NCSTN: variants seen among roughly 807,000 people sequenced by gnomAD.
NCSTN encodes the protein anterior pharynx-defective 2.
NCSTN carries 22 observed loss-of-function variants against 87.0 expected under a neutral mutation model. The ratio of observed to expected loss-of-function variants is 0.25; its 90% confidence interval spans 0.18 to 0.36. The LOEUF is 0.36. Among genes scored for constraint, NCSTN ranks in the 10% least tolerant of loss-of-function variants. The pLI is 1.00. For missense variants in NCSTN, 693 were observed against 883.3 expected (o/e 0.78, Z 2.73); for synonymous variants, 306 against 327.1 (o/e 0.94, Z 0.69).
chr1:160,351,965 C>A, intron 7 of NCSTN, 89 bp from the exon 8 acceptor site: 1 of 1,546,352 alleles, frequency 6.5e-7, no homozygotes, highest in Non-Finnish European at 8.9e-7. Context: ...TGCCACAGGA[C>A]AGGTATATTC....
intron 13 of NCSTN, 37 bp downstream of exon 13, chr1:160,355,995 C>T (rs201386837): frequency 2.6e-6 from 4 of 1,546,088 alleles, no homozygotes; most frequent in East Asian, 2.2e-5. Context: ...TTTCTATTTA[C>T]ACAGCAAGCT....
rs373915943 is a variant in NCSTN, at chr1:160,351,687, C to T, written c.734-9C>T. The T allele has an allele frequency of 6.4e-7, 1 of 1,574,502 alleles. No individual in the cohort carries two copies. The highest frequency in any genetic ancestry group is 2.2e-5 in the East Asian group (1 of 44,710). Reference sequence around the variant, plus strand: ...CTTGTTGATCTCTCATTGTTTGTGTCCTGCTTAGAAATCGTCTGTGACCCC... The same window carrying T: ...CTTGTTGATCTCTCATTGTTTGTGTTCTGCTTAGAAATCGTCTGTGACCCC... On this transcript the variant is annotated splice_polypyrimidine_tract_variant and intron_variant, in intron 6 of 16. Transcript: ENST00000294785.
chr1:160,343,401 C>T lies in NCSTN; in HGVS notation c.5C>T (p.Ala2Val). 6.2e-7 allele frequency: 1 copy of T among 1,613,120 alleles called. No homozygotes were observed. The highest frequency in any genetic ancestry group is 1.1e-5 in the South Asian group (1 of 90,816). M[A>V]TAGGGSGADP... ...TCCGCTCAGCAGAGAGGCAAGATGG[C>T]TACGGCAGGGGGTGGCTCTGGGGCT... The change falls in exon 1 of 17, where the codon GCT (alanine) becomes GTT (valine). Residue 2 changes from alanine to valine, a missense_variant. Ala to Val is a moderately conservative substitution (Grantham distance 64, BLOSUM62 0). Around this residue, in one of 4 missense-constraint regions of NCSTN, gnomAD observed 235 missense variants for 233.9 expected, o/e 1.00. Transcript: ENST00000294785.
In NCSTN at chr1:160,357,024, G is replaced by C. The variant is rs981362256; in HGVS notation, c.1795-17G>C. The stretch of plus-strand genomic sequence containing the variant: ...AGGATCACCCTAGCCGTGTGTTGTG[G>C]CGCATCTTCTGTGCAGCTGTATGAG... On this transcript the variant is annotated splice_polypyrimidine_tract_variant and intron_variant, in intron 15 of 16. Transcript: ENST00000294785. 4 of 1,604,670 alleles carry C rather than the reference G, an allele frequency of 2.5e-6. No individual in the cohort carries two copies. In the African/African-American group the frequency reaches 5.4e-5, roughly 21 times the overall value.
At chr1:160,347,232 G>A (rs540727733) in intron 2 of NCSTN, among the ~76,000 whole-genome samples, 12 of 152,240 alleles carry the variant, frequency 7.9e-5, no homozygotes, top group African/African-American at 1.9e-4. Flanking sequence ...ATCTTACTTC[G>A]TCATATCTGT....
intron 5 of NCSTN, among the ~76,000 whole-genome samples, chr1:160,350,453 C>CA (rs5778159): frequency 0.023 from 2,253 of 98,142 alleles, 49 homozygotes; most frequent in African/African-American, 0.059. Flanking sequence ...CCCTGTGTCA[C>CA]AAAAAAAAAA....
Position 160,349,638 on chromosome 1 carries a change from C to T in NCSTN, c.404C>T (p.Ser135Phe). 2 of 1,614,182 alleles carry T rather than the reference C, an allele frequency of 1.2e-6. No individual in the cohort carries two copies. Among genetic ancestry groups the T allele is most frequent in the South Asian group, 2.2e-5 (2 of 91,076 alleles). The stretch of plus-strand genomic sequence containing the variant: ...AAGCCCAGTCCTGCCTCAGGCTTCT[C>T]TCCTAGTGTACAGTGCCCAAATGAT... ...LTKPSPASGF[S>F]PSVQCPNDGF... The change falls in exon 4 of 17, where the codon TCT becomes TTT. Residue 135 changes from serine to phenylalanine, a missense_variant. By Grantham distance (155) the Ser-to-Phe change is radical. This residue lies in a region of NCSTN where 235 missense variants were observed against 233.9 expected (regional missense o/e 1.00). Coordinates refer to ENST00000294785, the MANE Select transcript of NCSTN (RefSeq NM_015331.3).
At position 160,358,585 on chromosome 1, in the gene NCSTN, A is replaced by T; in HGVS notation, c.*314A>T. On this transcript the variant is annotated 3_prime_UTR_variant, in exon 17 of 17. Coordinates refer to ENST00000294785, the MANE Select transcript of NCSTN (RefSeq NM_015331.3). ...TACCCACCCTAATTTGCCCTTCAGG[A>T]CCCTTCTACTTTTTCCTTCCTGCCC... 1 of 404,178 alleles carries T rather than the reference A, an allele frequency of 2.5e-6. No homozygotes were observed. Among genetic ancestry groups the T allele is most frequent in the Non-Finnish European group, 4.7e-6 (1 of 213,764 alleles). The allele number at this position is 404,178 out of a possible 1,614,324, so 25.0% of individuals were successfully genotyped here.
In NCSTN at chr1:160,351,390, C is replaced by A; in HGVS notation, c.733+18C>A. 6.2e-7 allele frequency: 1 copy of A among 1,613,160 alleles called. No individual in the cohort carries two copies. Among genetic ancestry groups the A allele is most frequent in the South Asian group, 1.1e-5 (1 of 91,000 alleles). ...CAACCCAGGTAGGGCAGATCCGAAC[C>A]ATGAGGGTAATGGAATAAGGGGCAG... On this transcript the variant is annotated intron_variant, in intron 6 of 16. Transcript: ENST00000294785.
At chr1:160,349,239 G>GACCACCCTGCCCTCTCCCCT in intron 3 of NCSTN, 117 bp downstream of exon 3, 1 of 1,397,472 alleles carries the variant, frequency 7.2e-7, no homozygotes, top group Non-Finnish European at 1.0e-6. Context: ...CAGGGGAGAG[G>GACCACCCTGCCCTCTCCCCT]GCAGGGTGGT....
At chr1:160,353,347 A>G in intron 10 of NCSTN, 110 bp downstream of exon 10, 1 of 1,579,278 alleles carries the variant, frequency 6.3e-7, no homozygotes. Context: ...GGTAAGAGAC[A>G]GGATTGGATT....
Position 160,351,740 on chromosome 1 carries a change from C to A in NCSTN, c.778C>A (p.Leu260Ile), listed in dbSNP as rs750378021. 1.9e-6 allele frequency: 3 copies of A among 1,613,248 alleles called. No homozygotes were observed. In the Admixed American group the frequency reaches 5.0e-5, roughly 27 times the overall value. Reference protein sequence around the residue: ...PLSDYNVWSMLKPINTTGTLK... With the variant: ...PLSDYNVWSMIKPINTTGTLK... ...GTCTGATTACAATGTGTGGAGCATGCTAAAGCCTATAAATACAACTGGGAC... is the reference window on the plus strand; with the variant it reads ...GTCTGATTACAATGTGTGGAGCATGATAAAGCCTATAAATACAACTGGGAC... Residue 260 changes from leucine to isoleucine, a missense_variant, in exon 7 of 17, where the codon CTA becomes ATA. Transcript: ENST00000294785.
At chr1:160,351,110 A>G (rs942639645) in intron 5 of NCSTN, 112 bp from the exon 6 acceptor site, 10 of 1,110,780 alleles carry the variant, frequency 9.0e-6, no homozygotes, top group Non-Finnish European at 1.4e-5. Flanking sequence ...AATGTCTCCG[A>G]AAAGGGTGTG....
Position 160,350,137 on chromosome 1 carries a change from G to A in NCSTN, c.469G>A (p.Ala157Thr). 1 of 1,614,058 alleles carries A rather than the reference G, an allele frequency of 6.2e-7. No individual in the cohort carries two copies. The change falls in exon 5 of 17, where the codon GCT (alanine) becomes ACT (threonine). Residue 157 changes from alanine (A) to threonine (T), a missense_variant. Transcript: ENST00000294785. ...CTCCAATTCCTATGGGCCAGAGTTT[G>A]CTCACTGCAGAGAAATACAGTGGAA... is the stretch of plus-strand genomic sequence containing the variant. ...VYSNSYGPEF[A>T]HCREIQWNSL... is the part of the protein sequence containing the mutation.
Position 160,352,159 on chromosome 1 carries a change from G to A in NCSTN, c.949G>A (p.Asp317Asn). The stretch of plus-strand genomic sequence containing the variant: ...TGCTGAAGCTTTGCAAAAGGCACCT[G>A]ATGTGACCACCCTGCCCCGCAATGT... The part of the protein sequence containing the change: ...AAAEALQKAP[D>N]VTTLPRNVMF... Residue 317 changes from aspartate (D) to asparagine (N), a missense_variant, in exon 8 of 17, where the codon GAT becomes AAT. Transcript: ENST00000294785. 1.2e-6 allele frequency: 2 copies of A among 1,614,216 alleles called. No individual in the cohort carries two copies. Among genetic ancestry groups the A allele is most frequent in the Non-Finnish European group, 1.7e-6 (2 of 1,180,028 alleles).
chr1:160,344,847 G>A, intron 2 of NCSTN, 21 bp downstream of exon 2: 2 of 1,583,116 alleles, frequency 1.3e-6, no homozygotes, highest in Non-Finnish European at 1.7e-6. Context: ...ATGGATTCAT[G>A]TTTGTGGACA....
chr1:160,349,359 T>C lies in NCSTN; in HGVS notation c.315-190T>C. On this transcript the variant is annotated intron_variant, in intron 3 of 16. Coordinates refer to ENST00000294785, the MANE Select transcript of NCSTN (RefSeq NM_015331.3). ...GCATCCCTCCCCTCCCTCCCTGGGG[T>C]CCTTACTCACTAAAGCTCTACTTTT... 8 of 957,610 alleles carry C rather than the reference T, an allele frequency of 8.4e-6. No homozygotes were observed. The South Asian group carries it at 1.1e-4, about 13-fold the overall frequency. The allele number at this position is 957,610 out of a possible 1,614,324, so 59.3% of individuals were successfully genotyped here. A position where few individuals can be genotyped will look rare whatever the true frequency, so the allele number is the denominator to read the frequency against.
At chr1:160,355,594 G>T (rs1197972886) in intron 11 of NCSTN, 61 bp from the exon 12 acceptor site, 1 of 1,231,170 alleles carries the variant, frequency 8.1e-7, no homozygotes, top group Admixed American at 1.7e-5. Context: ...AGCATTTGAG[G>T]GAGGAAAGGG....
rs145208930 is a variant in NCSTN, at chr1:160,344,148, G to C, written c.86-574G>C. 8.3e-4 allele frequency among the ~76,000 whole-genome samples: 126 copies of C among 152,098 alleles called. 2 individuals are homozygous for C. The Middle Eastern group carries it at 0.014, about 16-fold the overall frequency. On this transcript the variant is annotated intron_variant, in intron 1 of 16. Coordinates refer to ENST00000294785, the MANE Select transcript of NCSTN (RefSeq NM_015331.3). The stretch of plus-strand genomic sequence containing the variant: ...GTCAAGCCCTAAAATGCAAATGCCT[G>C]TATATAACTATGACTGTGCCTTCCC...
Sources: gnomAD v4.1 joint callset for allele counts (sites outside exome capture counted in the v4.1 genomes callset) on GRCh38, gnomAD v4.1.1 for gene constraint, gnomAD v4.1.1 regional missense constraint, MANE v1.5 for transcripts, NCBI Gene and HGNC (gene_info 2026-07-23, HGNC 2026-07-21) for gene names.